Variants in TTLL9 observed in about 807,000 individuals in gnomAD.
TTLL9 encodes probable tubulin polyglutamylase TTLL9.
A neutral mutation model predicts 65.6 loss-of-function variants in TTLL9; 47 were observed. The observed-to-expected ratio is 0.72, with a 90% CI of 0.57 to 0.91. The LOEUF (loss-of-function observed/expected upper bound fraction) is 0.91. Among genes scored for constraint, TTLL9 ranks in the 40% least tolerant of loss-of-function variants. The probability of loss-of-function intolerance (pLI) is 0.00; values close to 1 mark genes in which losing one functional copy is unlikely to be tolerated. For synonymous variants in TTLL9, 179 were observed against 204.8 expected (o/e 0.87, Z 1.07); for missense variants, 537 against 568.8 (o/e 0.94, Z 0.57).
chr20:31,913,172 A>C (rs2063682748), intron 6 of TTLL9, among the ~76,000 whole-genome samples: 1 of 152,098 alleles, frequency 6.6e-6, no homozygotes, highest in African/African-American at 2.4e-5. Flanking sequence ...AAAAATTAAT[A>C]ATTGTAGATG....
chr20:31,871,023 A>G (rs973863073), intron 1 of TTLL9, 74 bp downstream of exon 1: 8 of 1,144,346 alleles, frequency 7.0e-6, no homozygotes, highest in Non-Finnish European at 6.6e-6. Flanking sequence ...CTCCTTTCCC[A>G]TCCATTCTCC....
intron 2 of TTLL9, among the ~76,000 whole-genome samples, chr20:31,880,583 C>T (rs1032336837): frequency 1.3e-5 from 2 of 151,646 alleles, no homozygotes; most frequent in Non-Finnish European, 2.9e-5. Context: ...GCCTCTGCCT[C>T]CCGGGTTCAA....
chr20:31,879,663 A>C (rs1001162311), intron 2 of TTLL9: 41 of 645,268 alleles, frequency 6.4e-5, no homozygotes, highest in Non-Finnish European at 9.2e-5. Context: ...AGGCTGGAAA[A>C]GAAAGGTTGA....
At chr20:31,893,291 C>CTTTTTTTTTTTTT (rs34875132) in intron 3 of TTLL9, among the ~76,000 whole-genome samples, 1 of 130,118 alleles carries the variant, frequency 7.7e-6, no homozygotes, top group African/African-American at 2.8e-5. Context: ...TGTTCTTTTT[C>CTTTTTTTTTTTTT]TTTTTTTTTT....
chr20:31,922,935 G>A (rs766225116), intron 7 of TTLL9, 28 bp from the exon 8 acceptor site: 19 of 1,559,694 alleles, frequency 1.2e-5, no homozygotes, highest in East Asian at 1.1e-4. Flanking sequence ...ATAAATAAAT[G>A]TTCAATTATT....
At chr20:31,925,761 AC>A in intron 9 of TTLL9, 2 of 932,162 alleles carry the variant, frequency 2.1e-6, no homozygotes, top group South Asian at 3.0e-5. Context: ...TTTGGGAAAG[AC>A]ATAAGGGCAC....
rs767376259 is a variant in TTLL9 at position 31,919,890 on chromosome 20, C to T, written c.531C>T (p.Ile177=). ...KPVARSQGKG[I]FLFRRLKDIV... is the part of the protein sequence containing the mutation. ...TAGCCCGGTCTCAAGGGAAAGGCAT[C>T]TTCCTCTTCCGTAGGCTGAAGGACA... Residue 177 remains isoleucine, a synonymous_variant, in exon 7 of 15, where the codon ATC becomes ATT. Transcript: ENST00000535842. 1 of 1,593,088 alleles carries T rather than the reference C, an allele frequency of 6.3e-7. No individual in the cohort carries two copies. The highest frequency in any genetic ancestry group is 8.5e-7 in the Non-Finnish European group (1 of 1,170,362).
chr20:31,872,762 T>A (rs2062956072), intron 2 of TTLL9, among the ~76,000 whole-genome samples: 2 of 152,242 alleles, frequency 1.3e-5, no homozygotes, highest in South Asian at 4.1e-4. Flanking sequence ...AGGAACAGCA[T>A]GGGCAAAAGC....
chr20:31,933,891 C>A, intron 11 of TTLL9, 33 bp downstream of exon 11: 1 of 1,603,274 alleles, frequency 6.2e-7, no homozygotes, highest in Non-Finnish European at 8.5e-7. Flanking sequence ...TGCACGGGTA[C>A]AGCCCTCTGG....
rs2063204014 is a variant in TTLL9 at position 31,887,213 on chromosome 20, C to T, written c.87C>T (p.Gly29=). 6.2e-7 allele frequency: 1 copy of T among 1,614,164 alleles called. No individual in the cohort carries two copies. Among genetic ancestry groups the T allele is most frequent in the Non-Finnish European group, 8.5e-7 (1 of 1,180,028 alleles). ...CATTGCAGAACCAAAATTACAAGGGCCATGGATTGTCAAAGGGAAAAGAGC... is the reference window on the plus strand; with the variant it reads ...CATTGCAGAACCAAAATTACAAGGGTCATGGATTGTCAAAGGGAAAAGAGC... The part of the protein sequence containing the change: ...PKKLQNQNYK[G]HGLSKGKERE... Residue 29 remains glycine (G), a synonymous_variant, in exon 3 of 15, where the codon GGC becomes GGT. Transcript: ENST00000535842.
intron 14 of TTLL9, 162 bp downstream of exon 14, chr20:31,939,428 T>C: frequency 2.7e-6 from 2 of 742,284 alleles, no homozygotes; most frequent in Non-Finnish European, 3.9e-6. Flanking sequence ...GTTCCTCGTT[T>C]TTAAACTTGG....
intron 3 of TTLL9, among the ~76,000 whole-genome samples, chr20:31,895,099 A>G (rs2063363939): frequency 6.6e-6 from 1 of 152,266 alleles, no homozygotes; most frequent in Non-Finnish European, 1.5e-5. Flanking sequence ...TACAAGAAGT[A>G]GAACTGCAAT....
intron 7 of TTLL9, 57 bp from the exon 8 acceptor site, chr20:31,922,906 A>T (rs1210474982): frequency 3.0e-5 from 42 of 1,401,616 alleles, no homozygotes; most frequent in South Asian, 2.5e-4. Context: ...CAGAATACCT[A>T]GTACACAGGA....
At chr20:31,938,365 T>C in intron 13 of TTLL9, 4 of 371,206 alleles carry the variant, frequency 1.1e-5, no homozygotes, top group South Asian at 8.0e-5. Context: ...AAACCCAAGG[T>C]ACTCTTGGAC....
intron 9 of TTLL9, 189 bp from the exon 10 acceptor site, chr20:31,925,860 A>C: frequency 3.9e-6 from 6 of 1,550,296 alleles, no homozygotes; most frequent in Non-Finnish European, 5.2e-6. Flanking sequence ...CTCTCTTCCC[A>C]CCTCTGCCTT....
intron 4 of TTLL9, 77 bp from the exon 5 acceptor site, chr20:31,908,514 G>C: frequency 1.0e-6 from 1 of 995,796 alleles, no homozygotes; most frequent in African/African-American, 1.6e-5. Flanking sequence ...AAGCCCCCTC[G>C]GCAGCACCTC....
intron 2 of TTLL9, among the ~76,000 whole-genome samples, chr20:31,874,887 G>A (rs2063016303): frequency 6.6e-6 from 1 of 152,178 alleles, no homozygotes. Context: ...GGGGCCCACA[G>A]CCAAGGGATG....
At chr20:31,898,866 G>A (rs571465450) in intron 4 of TTLL9, among the ~76,000 whole-genome samples, 16 of 152,358 alleles carry the variant, frequency 1.1e-4, no homozygotes, top group African/African-American at 3.8e-4. Flanking sequence ...GTGTCCTGTG[G>A]TTTTCAGTAG....
At chr20:31,931,557 C>T (rs949292085) in intron 10 of TTLL9, among the ~76,000 whole-genome samples, 3 of 152,186 alleles carry the variant, frequency 2.0e-5, no homozygotes, top group South Asian at 2.1e-4. Context: ...ATTACAGGCG[C>T]GGCCACCATG....
Sources: allele counts gnomAD v4.1 joint callset (sites outside exome capture counted in the v4.1 genomes callset), GRCh38; gene constraint gnomAD v4.1.1; transcripts MANE v1.5; gene names NCBI Gene and HGNC (gene_info 2026-07-23, HGNC 2026-07-21).